The following C17orf114 variants were observed in gnomAD, a reference collection of about 807,000 sequenced individuals.
The protein encoded by C17orf114 is chromosome 17 open reading frame 114.
At chr17:4,801,571 T>C in intron 1 of C17orf114, 116 bp from the exon 2 acceptor site, 1 of 397,224 alleles carries the variant, frequency 2.5e-6, no homozygotes, top group Non-Finnish European at 4.4e-6. Flanking sequence ...TGGGGGCTGG[T>C]GAGGAGTGTT....
chr17:4,806,926 C>G (rs1905881449), upstream of C17orf114: 1 of 149,764 alleles, frequency 6.7e-6, no homozygotes, highest in South Asian at 2.1e-4. Context: ...GCAGCACTTA[C>G]CCGCCGCACC....
At chr17:4,804,430 T>G (rs921363967), upstream of C17orf114, among the ~76,000 whole-genome samples, 1 of 151,812 alleles carries the variant, frequency 6.6e-6, no homozygotes, top group Non-Finnish European at 1.5e-5. Context: ...GGTCTCGATA[T>G]CGTGACCTCG....
At chr17:4,805,191 G>A (rs1037369608), upstream of C17orf114, among the ~76,000 whole-genome samples, 3 of 151,512 alleles carry the variant, frequency 2.0e-5, no homozygotes, top group Non-Finnish European at 2.9e-5. Flanking sequence ...AGCACTTTAG[G>A]CCAAGGAGGG....
upstream of C17orf114, chr17:4,806,999 G>C (rs952264075): frequency 2.0e-3 from 296 of 150,806 alleles, no homozygotes; most frequent in Non-Finnish European, 3.4e-3. Flanking sequence ...CGGGGCTCTC[G>C]GTGGCGCACT....
At chr17:4,806,893 G>A (rs2150665100), upstream of C17orf114, 1 of 149,360 alleles carries the variant, frequency 6.7e-6, no homozygotes, top group East Asian at 1.9e-4. Context: ...TGGGACCGAC[G>A]GCGCGGGACG....
At chr17:4,805,982 G>A (rs1210859294), upstream of C17orf114, among the ~76,000 whole-genome samples, 3 of 152,028 alleles carry the variant, frequency 2.0e-5, no homozygotes, top group East Asian at 1.9e-4. Flanking sequence ...GCGAGACTCC[G>A]TCTCATAAAA....
chr17:4,804,275 G>A (rs1211846219), upstream of C17orf114, among the ~76,000 whole-genome samples: 1 of 149,928 alleles, frequency 6.7e-6, no homozygotes, highest in East Asian at 2.0e-4. Context: ...CACGATCTCA[G>A]CTCACTGCAA....
chr17:4,801,572 G>A (rs1318345381), intron 1 of C17orf114, 117 bp from the exon 2 acceptor site: 2 of 397,626 alleles, frequency 5.0e-6, no homozygotes, highest in Non-Finnish European at 8.8e-6. Context: ...GGGGGCTGGT[G>A]AGGAGTGTTG....
At chr17:4,806,242 G>A (rs545155194), upstream of C17orf114, among the ~76,000 whole-genome samples, 1 of 152,222 alleles carries the variant, frequency 6.6e-6, no homozygotes, top group Non-Finnish European at 1.5e-5. Flanking sequence ...AATCTAGAAT[G>A]GAAAAACCAT....
upstream of C17orf114, among the ~76,000 whole-genome samples, chr17:4,804,050 G>A (rs117336809): frequency 2.9e-3 from 445 of 152,180 alleles, 1 homozygote; most frequent in Non-Finnish European, 3.6e-3. Context: ...CCAGTACACT[G>A]AGCTTCTGAA....
chr17:4,805,640 G>A (rs1320880198), upstream of C17orf114, among the ~76,000 whole-genome samples: 1 of 145,884 alleles, frequency 6.9e-6, no homozygotes, highest in Admixed American at 6.8e-5. Flanking sequence ...CGCCACTGCA[G>A]TCCAGCATGG....
chr17:4,804,081 C>A (rs1001933742), upstream of C17orf114, among the ~76,000 whole-genome samples: 3 of 152,176 alleles, frequency 2.0e-5, no homozygotes, highest in African/African-American at 7.2e-5. Flanking sequence ...AAGCAAGCAT[C>A]GATGCCCTCA....
At chr17:4,802,215 C>G in intron 1 of C17orf114, 32 bp downstream of exon 1, 1 of 399,388 alleles carries the variant, frequency 2.5e-6, no homozygotes, top group Non-Finnish European at 4.4e-6. Context: ...GTCTGCCTGA[C>G]AGCCCCGCTT....
chr17:4,803,630 G>C (rs1235995876), upstream of C17orf114, among the ~76,000 whole-genome samples: 1 of 151,334 alleles, frequency 6.6e-6, no homozygotes, highest in Non-Finnish European at 1.5e-5. Flanking sequence ...GTTTCACCGT[G>C]TTAGCCAGGA....
At chr17:4,806,634 T>C (rs1309126071), upstream of C17orf114, 1 of 152,208 alleles carries the variant, frequency 6.6e-6, no homozygotes, top group Non-Finnish European at 1.5e-5. Flanking sequence ...CATACACTAA[T>C]GGGTTTGTAG....
upstream of C17orf114, among the ~76,000 whole-genome samples, chr17:4,803,107 C>T (rs1419416498): frequency 3.3e-5 from 5 of 151,686 alleles, no homozygotes; most frequent in Non-Finnish European, 7.4e-5. Context: ...TTAGTAGAGA[C>T]GGGGTTTCAC....
chr17:4,802,366 C>CG (rs1032291522), upstream of C17orf114: 1 of 398,566 alleles, frequency 2.5e-6, no homozygotes, highest in Admixed American at 4.4e-5. Flanking sequence ...GGAGGGCCCC[C>CG]GGGAGAGGGG....
chr17:4,803,514 T>A (rs1905567584), upstream of C17orf114, among the ~76,000 whole-genome samples: 1 of 132,110 alleles, frequency 7.6e-6, no homozygotes, highest in South Asian at 2.7e-4. Flanking sequence ...AAACTCTGCC[T>A]CCCGGGTTCA....
upstream of C17orf114, among the ~76,000 whole-genome samples, chr17:4,805,814 G>T (rs190925478): frequency 3.9e-5 from 6 of 152,108 alleles, no homozygotes; most frequent in African/African-American, 1.4e-4. Flanking sequence ...TTAGCTGGGC[G>T]TGGTGGCGGA....
Sources: gnomAD v4.1 joint callset for allele counts (sites outside exome capture counted in the v4.1 genomes callset) on GRCh38, gnomAD v4.1.1 for gene constraint, MANE v1.5 for transcripts, NCBI Gene and HGNC (gene_info 2026-07-23, HGNC 2026-07-21) for gene names.